The following ULK4 variants were observed in gnomAD, a reference collection of about 807,000 sequenced individuals.
ULK4 encodes the protein inactive serine/threonine-protein kinase ULK4.
ULK4 carries 133 observed loss-of-function variants against 160.6 expected under a neutral mutation model. That is an observed-to-expected ratio of 0.83 (90% confidence interval 0.72 to 0.96). The LOEUF (loss-of-function observed/expected upper bound fraction) is 0.96. ULK4 is among the 40% of genes least tolerant of loss of function. The probability of loss-of-function intolerance (pLI) is 0.00; values close to 1 mark genes in which losing one functional copy is unlikely to be tolerated. For synonymous variants in ULK4, 534 were observed against 539.8 expected, an observed-to-expected ratio of 0.99 and a Z score of 0.15; for missense variants, 1,580 against 1,499.5, an observed-to-expected ratio of 1.05 and a Z score of -0.89.
At chr3:41,732,700 A>G (rs1197447085) in intron 22 of ULK4, among the ~76,000 whole-genome samples, 2 of 152,218 alleles carry the variant, frequency 1.3e-5, no homozygotes. Flanking sequence ...CACAATAAGC[A>G]AAGATACGGA....
At chr3:41,766,973 A>G (rs2039186032) in intron 21 of ULK4, 1 of 152,124 alleles carries the variant, frequency 6.6e-6, no homozygotes, top group African/African-American at 2.4e-5. Flanking sequence ...GTGTAGGTCC[A>G]AGCTAAGATG....
At chr3:41,789,897 C>T in intron 20 of ULK4, 54 bp from the exon 21 acceptor site, 4 of 1,414,340 alleles carry the variant, frequency 2.8e-6, no homozygotes, top group Non-Finnish European at 3.8e-6. Context: ...ATCAATCATT[C>T]CCCTGAAAGG....
At chr3:41,790,346 G>C (rs567270477) in intron 20 of ULK4, among the ~76,000 whole-genome samples, 16 of 152,164 alleles carry the variant, frequency 1.1e-4, no homozygotes, top group Non-Finnish European at 1.9e-4. Flanking sequence ...TAAGTAACTT[G>C]CCCAAAGGCA....
At chr3:41,334,047 C>T (rs2080501989) in intron 35 of ULK4, among the ~76,000 whole-genome samples, 1 of 152,118 alleles carries the variant, frequency 6.6e-6, no homozygotes, top group South Asian at 2.1e-4. Flanking sequence ...CTAAGAAACA[C>T]ACGCAGATTC....
At chr3:41,913,121 T>G (rs552224400) in intron 8 of ULK4, 103 of 394,034 alleles carry the variant, frequency 2.6e-4, no homozygotes, top group Non-Finnish European at 3.7e-4. Flanking sequence ...AATGAAACAG[T>G]CTGATAACTA....
intron 17 of ULK4, among the ~76,000 whole-genome samples, chr3:41,850,615 G>A (rs1352548712): frequency 2.0e-5 from 3 of 151,912 alleles, no homozygotes; most frequent in African/African-American, 7.3e-5. Flanking sequence ...GTCTTCTTTT[G>A]AGAAGAGTCT....
intron 32 of ULK4, among the ~76,000 whole-genome samples, chr3:41,483,061 G>A (rs2084383376): frequency 6.6e-6 from 1 of 151,974 alleles, no homozygotes; most frequent in Non-Finnish European, 1.5e-5. Context: ...AATTTAATTA[G>A]TACTGACTAT....
chr3:41,273,317 C>T (rs1176851466), intron 35 of ULK4, among the ~76,000 whole-genome samples: 7 of 152,300 alleles, frequency 4.6e-5, no homozygotes, highest in Admixed American at 3.9e-4. Context: ...TCTGTGTATT[C>T]TACCCTATGC....
In ULK4 at chr3:41,960,675, T is replaced by C. The variant is rs889487690; in HGVS notation, c.-49+1341A>G. ...CCACCGCGCCTGGCACTAAGTTATCTTTCAATAACTTATTAATAGTTGAAA... is the reference window on the plus strand; with the variant it reads ...CCACCGCGCCTGGCACTAAGTTATCCTTCAATAACTTATTAATAGTTGAAA... On this transcript the variant is annotated intron_variant, in intron 1 of 36. Transcript: ENST00000301831. 2.0e-5 allele frequency among the ~76,000 whole-genome samples: 3 copies of C among 152,310 alleles called. No homozygotes were observed. In the East Asian group the frequency reaches 5.8e-4, roughly 29 times the overall value.
intron 2 of ULK4, among the ~76,000 whole-genome samples, chr3:41,942,163 C>G (rs1368684976): frequency 6.6e-6 from 1 of 152,188 alleles, no homozygotes; most frequent in Non-Finnish European, 1.5e-5. Flanking sequence ...GGATGTGCTA[C>G]AGATGTGAAA....
At chr3:41,760,721 C>A (rs2038957419) in intron 21 of ULK4, among the ~76,000 whole-genome samples, 1 of 152,164 alleles carries the variant, frequency 6.6e-6, no homozygotes, top group South Asian at 2.1e-4. Context: ...TGGGTCCCAT[C>A]CCCAAGATTT....
chr3:41,459,743 G>C (rs1033023466), intron 33 of ULK4, among the ~76,000 whole-genome samples: 11 of 152,164 alleles, frequency 7.2e-5, no homozygotes, highest in Admixed American at 5.9e-4. Flanking sequence ...AATTTCATGA[G>C]GAAAGGCACA....
At chr3:41,831,455 A>G (rs1003463118) in intron 18 of ULK4, among the ~76,000 whole-genome samples, 3 of 149,154 alleles carry the variant, frequency 2.0e-5, no homozygotes, top group African/African-American at 7.5e-5. Flanking sequence ...ATCACTTACC[A>G]AAGTATCTTG....
intron 22 of ULK4, among the ~76,000 whole-genome samples, chr3:41,745,402 TA>T (rs1464715759): frequency 6.6e-6 from 1 of 151,674 alleles, no homozygotes; most frequent in African/African-American, 2.4e-5. Flanking sequence ...CAATAATTTT[TA>T]AAAAATTGAC....
At chr3:41,526,277 T>C (rs1311424574) in intron 32 of ULK4, among the ~76,000 whole-genome samples, 3 of 152,222 alleles carry the variant, frequency 2.0e-5, no homozygotes, top group Non-Finnish European at 4.4e-5. Context: ...TTCCTGATTG[T>C]TACTCATCTT....
chr3:41,482,059 T>C (rs1302571699), intron 32 of ULK4, among the ~76,000 whole-genome samples: 1 of 152,126 alleles, frequency 6.6e-6, no homozygotes, highest in Non-Finnish European at 1.5e-5. Flanking sequence ...GCCTATGAAG[T>C]AGCTATTCTT....
At chr3:41,577,322 T>C (rs981264593) in intron 31 of ULK4, among the ~76,000 whole-genome samples, 6 of 152,156 alleles carry the variant, frequency 3.9e-5, no homozygotes, top group African/African-American at 1.2e-4. Context: ...TCTAGTTCAA[T>C]CCTTTAATTT....
intron 35 of ULK4, among the ~76,000 whole-genome samples, chr3:41,306,385 G>A (rs1315999387): frequency 2.1e-5 from 3 of 141,758 alleles, no homozygotes; most frequent in African/African-American, 8.9e-5. Flanking sequence ...TGCCCCGTCC[G>A]GGAGGTGAGG....
chr3:41,247,082 C>T (rs528089152), intron 36 of ULK4, 90 bp from the exon 37 acceptor site: 14 of 1,255,444 alleles, frequency 1.1e-5, no homozygotes, highest in South Asian at 5.2e-5. Context: ...CTTTTGCACC[C>T]GAGTATCTGG....
Sources: allele counts gnomAD v4.1 joint callset (sites outside exome capture counted in the v4.1 genomes callset), GRCh38; gene constraint gnomAD v4.1.1; transcripts MANE v1.5; gene names NCBI Gene and HGNC (gene_info 2026-07-23, HGNC 2026-07-21).